PEMT: variants seen among roughly 807,000 people sequenced by gnomAD.
The protein encoded by PEMT is phospholipid methyltransferase.
Under a neutral mutation model 27.4 loss-of-function variants are expected in PEMT, and 23 were observed. That is an observed-to-expected ratio of 0.84 (90% confidence interval 0.60 to 1.19). The LOEUF (loss-of-function observed/expected upper bound fraction) is 1.19. Ranked by LOEUF, PEMT falls within the 50% of genes most tolerant of loss-of-function variation. The pLI, the probability that PEMT is intolerant of heterozygous loss-of-function variation, is 0.00. For synonymous variants in PEMT, 137 were observed against 139.1 expected, an observed-to-expected ratio of 0.98 and a Z score of 0.11; for missense variants, 307 against 310.1, an observed-to-expected ratio of 0.99 and a Z score of 0.07.
intron 2 of PEMT, among the ~76,000 whole-genome samples, chr17:17,546,834 A>C (rs962694130): frequency 1.3e-5 from 2 of 152,258 alleles, no homozygotes; most frequent in African/African-American, 4.8e-5. Context: ...AGGCTGCCTC[A>C]TTATCTTCAC....
intron 2 of PEMT, among the ~76,000 whole-genome samples, chr17:17,542,750 T>C (rs1908977640): frequency 6.6e-6 from 1 of 152,218 alleles, no homozygotes; most frequent in Non-Finnish European, 1.5e-5. Flanking sequence ...TAGCCAGGAT[T>C]ATACATGTGA....
At chr17:17,529,823 C>T (rs536109411) in intron 2 of PEMT, among the ~76,000 whole-genome samples, 4 of 152,290 alleles carry the variant, frequency 2.6e-5, no homozygotes, top group African/African-American at 9.6e-5. Context: ...CCTATAGCAT[C>T]GTATAAAGAT....
chr17:17,518,695 G>A (rs1907038282), intron 3 of PEMT, among the ~76,000 whole-genome samples: 1 of 152,134 alleles, frequency 6.6e-6, no homozygotes, highest in East Asian at 1.9e-4. Flanking sequence ...TGTGTTCTCT[G>A]CCCACCAACC....
intron 2 of PEMT, among the ~76,000 whole-genome samples, chr17:17,526,568 A>G (rs911061219): frequency 6.6e-6 from 1 of 152,254 alleles, no homozygotes; most frequent in African/African-American, 2.4e-5. Flanking sequence ...GGCTCAGAGC[A>G]GGGACTGTGT....
intron 2 of PEMT, among the ~76,000 whole-genome samples, chr17:17,564,802 C>T (rs563383658): frequency 3.9e-5 from 6 of 152,298 alleles, no homozygotes; most frequent in East Asian, 1.9e-4. Flanking sequence ...GAGGCTGTGA[C>T]GTCAGCTGGA....
intron 2 of PEMT, among the ~76,000 whole-genome samples, chr17:17,575,956 C>T (rs1248668339): frequency 1.3e-5 from 2 of 152,200 alleles, no homozygotes; most frequent in African/African-American, 4.8e-5. Context: ...ATCAAGGGTT[C>T]ACCTTAAATG....
At chr17:17,564,178 C>A (rs1386398597) in intron 2 of PEMT, among the ~76,000 whole-genome samples, 1 of 152,182 alleles carries the variant, frequency 6.6e-6, no homozygotes, top group Non-Finnish European at 1.5e-5. Flanking sequence ...AACACCAGGT[C>A]CTTGGGCCGT....
chr17:17,576,163 C>T (rs971610806), intron 2 of PEMT, among the ~76,000 whole-genome samples: 7 of 152,036 alleles, frequency 4.6e-5, no homozygotes, highest in South Asian at 2.1e-4. Flanking sequence ...CTTGGGAGAG[C>T]GGGCCAGGAA....
chr17:17,565,999 T>C (rs1351534271), intron 2 of PEMT, among the ~76,000 whole-genome samples: 2 of 152,222 alleles, frequency 1.3e-5, no homozygotes, highest in Non-Finnish European at 2.9e-5. Flanking sequence ...GAAGGCCTTG[T>C]TGCACCTCTG....
chr17:17,509,897 T>C lies in PEMT; in HGVS notation c.467-352A>G, dbSNP rs1470457917. Among the ~76,000 whole-genome samples, 7 of 152,128 alleles carry C rather than the reference T, an allele frequency of 4.6e-5. No homozygotes were observed. The South Asian group carries it at 1.5e-3, about 32-fold the overall frequency. On this transcript the variant is annotated intron_variant, in intron 4 of 6. Transcript: ENST00000255389. ...CCCTGCTCTCTGTACAGAGAGCGCC[T>C]TTCCTCCTCAGGCCCTTCGCCCTCT...
chr17:17,527,844 C>A (rs971290650), intron 2 of PEMT, among the ~76,000 whole-genome samples: 1 of 152,246 alleles, frequency 6.6e-6, no homozygotes, highest in Non-Finnish European at 1.5e-5. Context: ...CCAGGCCTCT[C>A]CCCTCTGCGG....
chr17:17,544,448 T>C (rs1464987724), intron 2 of PEMT, among the ~76,000 whole-genome samples: 2 of 152,018 alleles, frequency 1.3e-5, no homozygotes, highest in Admixed American at 1.3e-4. Context: ...GCCCAGCTAA[T>C]TTTCGTATTT....
Position 17,509,486 on chromosome 17 carries a change from C to T in PEMT, c.526G>A (p.Asp176Asn), listed in dbSNP as rs368744924. ...GTGCTTCCCCAGTACATGGGGTTGT[C>T]CAGGATGTTGAAGGGGAACACGGTC... ...RVTVFPFNIL[D>N]NPMYWGSTAN... The change falls in exon 5 of 7, where the codon GAC (aspartate) becomes AAC (asparagine). Residue 176 changes from aspartate (D) to asparagine (N), a missense_variant. Asp to Asn is a conservative substitution (Grantham distance 23, BLOSUM62 1). Transcript: ENST00000255389. The T allele has an allele frequency of 1.4e-5, 23 of 1,613,836 alleles. No individual in the cohort carries two copies. Among genetic ancestry groups the T allele is most frequent in the Non-Finnish European group, 1.9e-5 (23 of 1,179,856 alleles).
chr17:17,522,011 G>A (rs1466291201), intron 3 of PEMT, among the ~76,000 whole-genome samples: 2 of 152,224 alleles, frequency 1.3e-5, no homozygotes, highest in Non-Finnish European at 2.9e-5. Context: ...ACGTGGCAGA[G>A]GCTGGGATGT....
intron 1 of PEMT, among the ~76,000 whole-genome samples, chr17:17,590,080 C>T (rs1009562692): frequency 3.3e-5 from 5 of 151,220 alleles, no homozygotes; most frequent in Non-Finnish European, 7.4e-5. Context: ...CCCTTCTACA[C>T]GGTGGCTTCT....
chr17:17,537,769 G>C (rs1323072103), intron 2 of PEMT, among the ~76,000 whole-genome samples: 1 of 152,258 alleles, frequency 6.6e-6, no homozygotes, highest in African/African-American at 2.4e-5. Flanking sequence ...CCTGTGCCTA[G>C]ATTTCCCGGG....
chr17:17,512,602 CG>C lies in PEMT; in HGVS notation c.372del (p.Ala125ArgfsTer31). 1 of 1,600,348 alleles carries C rather than the reference CG, an allele frequency of 6.2e-7. No homozygotes were observed. Among genetic ancestry groups the C allele is most frequent in the Non-Finnish European group, 8.5e-7 (1 of 1,172,576 alleles). On this transcript the variant is annotated frameshift_variant, in exon 4 of 7. Coordinates refer to ENST00000255389, the MANE Select transcript of PEMT (RefSeq NM_148172.3). LOFTEE classifies it high-confidence loss of function. This position sits in a 1 kb window ranked among gnomAD's most constrained non-coding sequence, Gnocchi z 6.3. The part of the protein sequence containing the change: ...SQPRMESLDT[P>X]AAYSLGLALL... Reference sequence around the variant, plus strand: ...AGCGCGAGGCCCAGGCTGTAGGCCGCGGGGGTGTCCAGGCTCTCCATCCTGG... The same window carrying C: ...AGCGCGAGGCCCAGGCTGTAGGCCGCGGGGTGTCCAGGCTCTCCATCCTGG...
chr17:17,578,421 C>G (rs1381019135), intron 1 of PEMT, among the ~76,000 whole-genome samples: 1 of 151,892 alleles, frequency 6.6e-6, no homozygotes, highest in Non-Finnish European at 1.5e-5. Flanking sequence ...ATCGCTTGAG[C>G]CCAGGTGTTC....
intron 2 of PEMT, among the ~76,000 whole-genome samples, chr17:17,562,912 G>C (rs1910588924): frequency 6.6e-6 from 1 of 152,118 alleles, no homozygotes; most frequent in South Asian, 2.1e-4. Context: ...CTGATGTCAG[G>C]CATGTCCCAC....
Sources: allele counts gnomAD v4.1 joint callset (sites outside exome capture counted in the v4.1 genomes callset), GRCh38; gene constraint gnomAD v4.1.1; non-coding constraint Gnocchi (gnomAD v3.1); transcripts MANE v1.5; gene names NCBI Gene and HGNC (gene_info 2026-07-23, HGNC 2026-07-21).